Variants in ALS2 observed in about 807,000 individuals in gnomAD.
The protein encoded by ALS2 is alsin.
A neutral mutation model predicts 203.4 loss-of-function variants in ALS2; 117 were observed. The ratio of observed to expected loss-of-function variants is 0.58; its 90% CI spans 0.50 to 0.67. ALS2 has a LOEUF of 0.67. ALS2 is among the 30% of genes least tolerant of loss of function. The pLI, the probability that ALS2 is intolerant of heterozygous loss-of-function variation, is 0.00. For missense variants in ALS2, 1,715 were observed against 1,989.4 expected, an observed-to-expected ratio of 0.86 and a Z score of 2.62; for synonymous variants, 718 against 725.9, an observed-to-expected ratio of 0.99 and a Z score of 0.17.
At position 201,727,245 on chromosome 2, in the gene ALS2, C is replaced by T. The variant is rs774517677; in HGVS notation, c.2946G>A (p.Gln982=). 5 of 1,613,726 alleles carry T rather than the reference C, an allele frequency of 3.1e-6. No homozygotes were observed. Among genetic ancestry groups the T allele is most frequent in the Non-Finnish European group, 4.2e-6 (5 of 1,179,802 alleles). ...GGGGTGTAGATGAAATGAGAGTGAA[C>T]TGCTCCTCAGGTGTAGTTATCTTTA... ...NGLKITTPEE[Q]FTLISSTPQE... Residue 982 remains glutamine (Q), a synonymous_variant, in exon 17 of 34, where the codon CAG becomes CAA. Transcript: ENST00000264276.
intron 13 of ALS2, among the ~76,000 whole-genome samples, chr2:201,730,906 T>C (rs904148682): frequency 6.6e-6 from 1 of 152,234 alleles, no homozygotes; most frequent in South Asian, 2.1e-4. Context: ...ACCTTAACTT[T>C]TGCACCATCA....
chr2:201,722,946 G>T, intron 23 of ALS2, 97 bp downstream of exon 23: 1 of 986,446 alleles, frequency 1.0e-6, no homozygotes. Flanking sequence ...CTTGAAAGGG[G>T]TGAATTTTAT....
At chr2:201,706,540 T>C (rs1055820446) in intron 29 of ALS2, among the ~76,000 whole-genome samples, 2 of 146,588 alleles carry the variant, frequency 1.4e-5, no homozygotes, top group Non-Finnish European at 3.0e-5. Context: ...ACACTTTATA[T>C]ATATATATAT....
At chr2:201,739,614 A>C (rs1692135158) in intron 11 of ALS2, among the ~76,000 whole-genome samples, 1 of 152,034 alleles carries the variant, frequency 6.6e-6, no homozygotes, top group African/African-American at 2.4e-5. Context: ...GCGGTGGCGG[A>C]TGCCTGTAAT....
chr2:201,717,511 T>C (rs934025697), intron 24 of ALS2, among the ~76,000 whole-genome samples: 1 of 150,140 alleles, frequency 6.7e-6, no homozygotes, highest in Admixed American at 6.7e-5. Context: ...CTCTCACACA[T>C]GGAACTTTCC....
At chr2:201,777,658 C>G (rs952957025) in intron 1 of ALS2, among the ~76,000 whole-genome samples, 2 of 152,150 alleles carry the variant, frequency 1.3e-5, no homozygotes, top group African/African-American at 4.8e-5. Context: ...AAACTCCACT[C>G]AGAATTAGTT....
At chr2:201,715,234 C>A (rs568457113) in intron 25 of ALS2, among the ~76,000 whole-genome samples, 19 of 152,296 alleles carry the variant, frequency 1.2e-4, no homozygotes, top group Admixed American at 1.2e-3. Flanking sequence ...TATATATCAA[C>A]CACTCTGAGT....
chr2:201,701,963 C>T, intron 33 of ALS2, 74 bp from the exon 34 acceptor site: 2 of 1,351,626 alleles, frequency 1.5e-6, no homozygotes, highest in South Asian at 2.4e-5. Context: ...GCATATGGGA[C>T]TAAAGAAACA....
intron 11 of ALS2, among the ~76,000 whole-genome samples, chr2:201,739,066 C>T (rs563889069): frequency 7.3e-5 from 11 of 151,360 alleles, no homozygotes; most frequent in Non-Finnish European, 1.5e-4. Context: ...TGGGGAAACC[C>T]GACTTTACAA....
intron 1 of ALS2, 24 bp from the exon 2 acceptor site, chr2:201,768,969 G>T: frequency 1.6e-6 from 2 of 1,270,960 alleles, no homozygotes; most frequent in South Asian, 1.5e-5. Context: ...GTAAGGAAAA[G>T]AGCAGTAAAA....
At chr2:201,745,823 C>T (rs1343338028) in intron 9 of ALS2, among the ~76,000 whole-genome samples, 1 of 152,096 alleles carries the variant, frequency 6.6e-6, no homozygotes, top group African/African-American at 2.4e-5. Flanking sequence ...GTGGTGGGCA[C>T]CTGTAATCTC....
In ALS2 at chr2:201,704,489, C is replaced by T; in HGVS notation, c.4803G>A (p.Leu1601=). The T allele has an allele frequency of 3.1e-6, 5 of 1,614,070 alleles. No individual in the cohort carries two copies. The highest frequency in any genetic ancestry group is 4.2e-6 in the Non-Finnish European group (5 of 1,180,006). The change falls in exon 32 of 34, where the codon TTG becomes TTA. Residue 1601 remains leucine, a synonymous_variant. Coordinates refer to ENST00000264276, the MANE Select transcript of ALS2 (RefSeq NM_020919.4). ...GCACCACATATAAGAAAACAGGAAACAAGTCATCCATGGACCACAAGAAGT... is the reference window on the plus strand; with the variant it reads ...GCACCACATATAAGAAAACAGGAAATAAGTCATCCATGGACCACAAGAAGT... ...HEDFLWSMDD[L]FPVFLYVVLR... is the part of the protein sequence containing the mutation.
At chr2:201,736,732 C>T (rs375975404) in intron 12 of ALS2, among the ~76,000 whole-genome samples, 4 of 151,930 alleles carry the variant, frequency 2.6e-5, no homozygotes, top group South Asian at 2.1e-4. Flanking sequence ...AATGAATAAT[C>T]GTAAGAATGA....
rs1690353060 is a variant in ALS2 at position 201,715,832 on chromosome 2, G to A, written c.3844C>T (p.Leu1282=). The A allele has an allele frequency of 1.2e-6, 2 of 1,614,194 alleles. No individual in the cohort carries two copies. Among genetic ancestry groups the A allele is most frequent in the African/African-American group, 2.7e-5 (2 of 75,048 alleles). Residue 1282 remains leucine (L), a synonymous_variant, in exon 25 of 34, where the codon CTA becomes TTA. Transcript: ENST00000264276. ...TCAGCTGGCACTGCCAGGTTTCCTA[G>A]CTTCCTGCTAATAAAGTCATATCAA... ...DKDRPKVFRK[L]GNLAVPADEK...
At chr2:201,779,584 GAATT>G (rs1694807961) in intron 1 of ALS2, among the ~76,000 whole-genome samples, 1 of 152,066 alleles carries the variant, frequency 6.6e-6, no homozygotes. Context: ...GTAGTGGGAG[GAATT>G]AATTATAAAA....
Position 201,701,020 on chromosome 2 carries a change from C to G in ALS2, c.*831G>C, listed in dbSNP as rs1002783959. 5 of 152,524 alleles carry G rather than the reference C, an allele frequency of 3.3e-5. No individual in the cohort carries two copies. The East Asian group carries it at 5.8e-4, about 18-fold the overall frequency. 9.4% of individuals were successfully genotyped at this position (152,524 alleles called of 1,614,324 possible). On this transcript the variant is annotated 3_prime_UTR_variant, in exon 34 of 34. Coordinates refer to ENST00000264276, the MANE Select transcript of ALS2 (RefSeq NM_020919.4). Reference sequence around the variant, plus strand: ...TGTTAGTCCTGCTCGAAAACACAGCCTGCATGCAAAACTTCCTCAGGCTGC... The same window carrying G: ...TGTTAGTCCTGCTCGAAAACACAGCGTGCATGCAAAACTTCCTCAGGCTGC...
At chr2:201,755,051 A>G (rs1337727173) in intron 5 of ALS2, among the ~76,000 whole-genome samples, 2 of 152,220 alleles carry the variant, frequency 1.3e-5, no homozygotes, top group Non-Finnish European at 2.9e-5. Context: ...TCTAAAGAAT[A>G]TGCTGAACAA....
intron 5 of ALS2, 68 bp from the exon 6 acceptor site, chr2:201,754,739 C>T: frequency 6.4e-7 from 1 of 1,556,566 alleles, no homozygotes; most frequent in South Asian, 1.1e-5. Context: ...ATCATTTGGA[C>T]AAACTTAAGA....
chr2:201,779,489 T>C (rs1434378587), intron 1 of ALS2, among the ~76,000 whole-genome samples: 1 of 152,208 alleles, frequency 6.6e-6, no homozygotes, highest in Non-Finnish European at 1.5e-5. Context: ...ACAGAACAAC[T>C]TGAAATCATA....
Sources: gnomAD v4.1 joint callset for allele counts (sites outside exome capture counted in the v4.1 genomes callset) on GRCh38, gnomAD v4.1.1 for gene constraint, MANE v1.5 for transcripts, NCBI Gene and HGNC (gene_info 2026-07-23, HGNC 2026-07-21) for gene names.